MEGF9: variants seen among roughly 807,000 people sequenced by gnomAD.
The protein encoded by MEGF9 is multiple EGF like domains 9.
MEGF9 carries 6 observed loss-of-function variants against 46.8 expected under a neutral mutation model. That is an observed-to-expected ratio of 0.13 (90% CI 0.07 to 0.25). MEGF9 has a LOEUF of 0.25. MEGF9 is among the 10% of genes least tolerant of loss of function. MEGF9 has a pLI of 1.00. For synonymous variants in MEGF9, 302 were observed against 330.7 expected (o/e 0.91, Z 0.94); for missense variants, 683 against 792.4 (o/e 0.86, Z 1.66).
At chr9:120,613,358 G>T (rs186874613) in intron 3 of MEGF9, among the ~76,000 whole-genome samples, 2 of 151,512 alleles carry the variant, frequency 1.3e-5, no homozygotes, top group East Asian at 1.9e-4. Flanking sequence ...GTGGAGGGAG[G>T]GGGGTAAAAC....
chr9:120,683,547 T>C (rs540392038), intron 1 of MEGF9, among the ~76,000 whole-genome samples: 2 of 152,324 alleles, frequency 1.3e-5, no homozygotes, highest in East Asian at 3.9e-4. Flanking sequence ...GTGAAGAAGG[T>C]CTTTGCTTCT....
At chr9:120,665,446 G>T (rs1034246179) in intron 1 of MEGF9, among the ~76,000 whole-genome samples, 1 of 151,970 alleles carries the variant, frequency 6.6e-6, no homozygotes, top group East Asian at 1.9e-4. Flanking sequence ...CTCGTAATCC[G>T]CCTGCCTCAG....
intron 1 of MEGF9, among the ~76,000 whole-genome samples, chr9:120,662,902 A>G (rs186262601): frequency 6.6e-6 from 1 of 152,248 alleles, no homozygotes; most frequent in Non-Finnish European, 1.5e-5. Flanking sequence ...TAGGTAGAGA[A>G]TAAGACGATA....
At chr9:120,629,985 T>C (rs2043543587) in intron 2 of MEGF9, among the ~76,000 whole-genome samples, 1 of 152,126 alleles carries the variant, frequency 6.6e-6, no homozygotes, top group Admixed American at 6.5e-5. Context: ...ATTTACGTAT[T>C]GTCTATGGCT....
At chr9:120,713,516 T>C (rs905626238) in intron 1 of MEGF9, among the ~76,000 whole-genome samples, 21 of 152,172 alleles carry the variant, frequency 1.4e-4, no homozygotes, top group African/African-American at 4.8e-4. Context: ...GGGAAGAAGA[T>C]GAGATGCCTT....
intron 1 of MEGF9, among the ~76,000 whole-genome samples, chr9:120,704,321 G>A (rs1472480884): frequency 5.3e-5 from 8 of 151,168 alleles, no homozygotes; most frequent in African/African-American, 9.8e-5. Flanking sequence ...GCGACAGAGC[G>A]AGACTGTGTC....
At chr9:120,666,482 C>G (rs184469108) in intron 1 of MEGF9, among the ~76,000 whole-genome samples, 6 of 152,246 alleles carry the variant, frequency 3.9e-5, no homozygotes, top group African/African-American at 1.4e-4. Flanking sequence ...CTAAAATACA[C>G]AAACAAAAAA....
At chr9:120,670,249 A>G (rs2043742616) in intron 1 of MEGF9, among the ~76,000 whole-genome samples, 1 of 152,006 alleles carries the variant, frequency 6.6e-6, no homozygotes, top group Admixed American at 6.6e-5. Context: ...GGCATACACC[A>G]CTATGCCTGG....
intron 4 of MEGF9, among the ~76,000 whole-genome samples, chr9:120,608,607 A>C (rs114982511): frequency 6.6e-6 from 1 of 152,270 alleles, no homozygotes; most frequent in African/African-American, 2.4e-5. Flanking sequence ...GTGTATCTCT[A>C]GTCTACATCT....
chr9:120,644,687 A>G (rs1246628903), intron 2 of MEGF9, among the ~76,000 whole-genome samples: 3 of 152,178 alleles, frequency 2.0e-5, no homozygotes, highest in African/African-American at 7.2e-5. Flanking sequence ...ATTAACTGTT[A>G]TTTTATCCTT....
chr9:120,667,184 GCACT>G, intron 1 of MEGF9, among the ~76,000 whole-genome samples: 1 of 152,228 alleles, frequency 6.6e-6, no homozygotes, highest in East Asian at 1.9e-4. Context: ...ACTGAACTTG[GCACT>G]AACGTCCACA....
chr9:120,613,436 CAT>C (rs965790299), intron 3 of MEGF9, among the ~76,000 whole-genome samples: 2 of 151,410 alleles, frequency 1.3e-5, no homozygotes, highest in Non-Finnish European at 2.9e-5. Flanking sequence ...TAACTATATA[CAT>C]ATATATATAA....
At chr9:120,681,224 G>A (rs12006363) in intron 1 of MEGF9, among the ~76,000 whole-genome samples, 83 of 152,274 alleles carry the variant, frequency 5.5e-4, no homozygotes, top group African/African-American at 1.9e-3. Flanking sequence ...CAGGGCCCAA[G>A]GGCTCTTTAG....
intron 1 of MEGF9, among the ~76,000 whole-genome samples, chr9:120,697,626 A>G (rs2043883870): frequency 6.6e-6 from 1 of 152,160 alleles, no homozygotes; most frequent in South Asian, 2.1e-4. Context: ...AGACAATCAC[A>G]TAGTTACTAT....
chr9:120,686,395 A>G (rs952464874), intron 1 of MEGF9, among the ~76,000 whole-genome samples: 15 of 152,238 alleles, frequency 9.9e-5, no homozygotes, highest in Non-Finnish European at 1.8e-4. Context: ...TTCTTATTTA[A>G]TGGATACAGA....
chr9:120,671,168 A>C (rs2043747235), intron 1 of MEGF9, among the ~76,000 whole-genome samples: 1 of 152,150 alleles, frequency 6.6e-6, no homozygotes, highest in Non-Finnish European at 1.5e-5. Context: ...CATTGGATAA[A>C]TCCATGAGCA....
At position 120,667,114 on chromosome 9, in the gene MEGF9, G is replaced by T. The variant is rs2043728721; in HGVS notation, c.602-7539C>A. Among the ~76,000 whole-genome samples, 3 of 152,082 alleles carry T rather than the reference G, an allele frequency of 2.0e-5. No homozygotes were observed. The South Asian group carries it at 6.2e-4, about 31-fold the overall frequency. ...TTTTTTAAGCAATGAGGTCTTACTAGATTCAATTTTTAAAATTTTGCTGGA... is the reference window on the plus strand; with the variant it reads ...TTTTTTAAGCAATGAGGTCTTACTATATTCAATTTTTAAAATTTTGCTGGA... On this transcript the variant is annotated intron_variant, in intron 1 of 5. Coordinates refer to ENST00000373930, the MANE Select transcript of MEGF9 (RefSeq NM_001080497.3).
chr9:120,649,702 T>G (rs2043641402), intron 2 of MEGF9, among the ~76,000 whole-genome samples: 1 of 152,218 alleles, frequency 6.6e-6, no homozygotes. Context: ...GGTCTTTTTT[T>G]GATAGTTTGG....
intron 1 of MEGF9, among the ~76,000 whole-genome samples, chr9:120,668,593 C>G (rs1451231913): frequency 6.6e-6 from 1 of 152,178 alleles, no homozygotes; most frequent in Non-Finnish European, 1.5e-5. Context: ...TGCCAGTTTT[C>G]CACAATTCAG....
Sources: allele counts gnomAD v4.1 joint callset (sites outside exome capture counted in the v4.1 genomes callset), GRCh38; gene constraint gnomAD v4.1.1; transcripts MANE v1.5; gene names NCBI Gene and HGNC (gene_info 2026-07-23, HGNC 2026-07-21).